Variants in APOL5 observed in about 807,000 individuals in gnomAD.
The protein encoded by APOL5 is apolipoprotein L5.
A neutral mutation model predicts 35.5 loss-of-function variants in APOL5; 29 were observed. That is an observed-to-expected ratio of 0.82 (90% CI 0.61 to 1.11). The LOEUF (loss-of-function observed/expected upper bound fraction) is 1.11. APOL5 is among the 50% of genes most tolerant of loss of function. APOL5 has a pLI of 0.00. For missense variants in APOL5, 514 were observed against 530.4 expected, an observed-to-expected ratio of 0.97 and a Z score of 0.30; for synonymous variants, 188 against 200.2, an observed-to-expected ratio of 0.94 and a Z score of 0.51.
upstream of APOL5, among the ~76,000 whole-genome samples, chr22:35,717,230 A>AT (rs1926775718): frequency 2.3e-5 from 2 of 85,928 alleles, no homozygotes; most frequent in African/African-American, 1.3e-4. Flanking sequence ...TACAAAAAAA[A>AT]AAAAAATATA....
chr22:35,721,467 C>T (rs140538682), intron 2 of APOL5, among the ~76,000 whole-genome samples: 3,747 of 151,878 alleles, frequency 0.025, 151 homozygotes, highest in African/African-American at 0.086. Context: ...TGCTTGAACC[C>T]GGGAGGCGGA....
At chr22:35,717,235 A>AAAAAAAAAAAAAATATAT, upstream of APOL5, among the ~76,000 whole-genome samples, 1 of 57,660 alleles carries the variant, frequency 1.7e-5, no homozygotes, top group African/African-American at 8.0e-5. Flanking sequence ...AAAAAAAAAA[A>AAAAAAAAAAAAAATATAT]ATATATATAT....
At chr22:35,710,882 T>C in the APOL5 span, among the ~76,000 whole-genome samples, 1 of 152,170 alleles carries the variant, frequency 6.6e-6, no homozygotes, top group African/African-American at 2.4e-5. Context: ...AGAACTTCCT[T>C]CTGGCCAGGC....
Position 35,728,769 on chromosome 22 carries a change from G to A in APOL5, c.1173G>A (p.Arg391=), listed in dbSNP as rs200999318. The A allele has an allele frequency of 2.1e-4, 331 of 1,613,652 alleles. 5 individuals carry two copies. The South Asian group carries it at 3.3e-3, about 16-fold the overall frequency. ...GGCCTGTTGTGGAGCACCAGCCTAG[G>A]CTGGGCCCTGGCGTGGCACTGAGGA... ...LPWPVVEHQP[R]LGPGVALRTP... The change falls in exon 4 of 5, where the codon AGG becomes AGA. Residue 391 remains arginine, a synonymous_variant. Transcript: ENST00000249044.
chr22:35,710,615 T>C, the APOL5 span, among the ~76,000 whole-genome samples: 2 of 152,112 alleles, frequency 1.3e-5, no homozygotes, highest in East Asian at 1.9e-4. Context: ...TATATTCACA[T>C]TGTTGTGCAG....
the APOL5 span, among the ~76,000 whole-genome samples, chr22:35,712,560 T>C: frequency 2.0e-5 from 3 of 152,268 alleles, no homozygotes; most frequent in African/African-American, 4.8e-5. Flanking sequence ...ATTAGAGGTG[T>C]TGGGCATCTT....
intron 2 of APOL5, among the ~76,000 whole-genome samples, chr22:35,725,533 G>A (rs530745007): frequency 9.2e-5 from 14 of 152,118 alleles, no homozygotes; most frequent in Admixed American, 5.2e-4. Flanking sequence ...GATTACAGGC[G>A]TGAGCCACCG....
chr22:35,715,791 T>C (rs1435277327), upstream of APOL5, among the ~76,000 whole-genome samples: 6 of 152,200 alleles, frequency 3.9e-5, no homozygotes, highest in Non-Finnish European at 7.3e-5. Context: ...CACACATCTC[T>C]GCCTTCAAGG....
chr22:35,709,740 A>G, the APOL5 span, among the ~76,000 whole-genome samples: 2 of 152,002 alleles, frequency 1.3e-5, no homozygotes, highest in African/African-American at 2.4e-5. Flanking sequence ...AACTTTTTTC[A>G]GCACTTTATT....
chr22:35,720,306 C>A (rs939342320), intron 1 of APOL5, among the ~76,000 whole-genome samples: 15 of 152,260 alleles, frequency 9.9e-5, no homozygotes, highest in Non-Finnish European at 2.9e-5. Context: ...CTTTACCAAT[C>A]TACTTTGCCA....
At chr22:35,721,060 G>T (rs1350369218) in intron 2 of APOL5, among the ~76,000 whole-genome samples, 1 of 151,736 alleles carries the variant, frequency 6.6e-6, no homozygotes, top group Non-Finnish European at 1.5e-5. Flanking sequence ...ATAAGTATTT[G>T]AATGAAGGAA....
chr22:35,712,213 T>C, the APOL5 span, among the ~76,000 whole-genome samples: 5 of 152,016 alleles, frequency 3.3e-5, no homozygotes, highest in Admixed American at 6.6e-5. Context: ...CTCTCTATGT[T>C]GCCCAGCCTG....
At chr22:35,728,523 G>A (rs2146007659) in intron 3 of APOL5, among the ~76,000 whole-genome samples, 200 bp from the exon 4 acceptor site, 1 of 152,246 alleles carries the variant, frequency 6.6e-6, no homozygotes, top group East Asian at 1.9e-4. Flanking sequence ...GCGCCCGGCC[G>A]ACTTTAGACA....
chr22:35,720,609 A>G lies in APOL5; in HGVS notation c.97A>G (p.Ile33Val). The G allele has an allele frequency of 6.2e-7, 1 of 1,614,204 alleles. No individual in the cohort carries two copies. The highest frequency in any genetic ancestry group is 8.5e-7 in the Non-Finnish European group (1 of 1,180,042). ...GCKEMWLRKV[I>V]YGGEVWGKSP... The stretch of plus-strand genomic sequence containing the variant: ...TAAAGAAATGTGGCTTCGAAAGGTA[A>G]TCTACGGAGGTGAGGTCTGGGGGAA... Residue 33 changes from isoleucine to valine, a missense_variant, in exon 2 of 5, where the codon ATC (isoleucine) becomes GTC (valine). Transcript: ENST00000249044.
In APOL5 at chr22:35,728,788, C is replaced by T. The variant is rs1327241791; in HGVS notation, c.1192C>T (p.Leu398=). 1.2e-6 allele frequency: 2 copies of T among 1,613,586 alleles called. No homozygotes were observed. Among genetic ancestry groups the T allele is most frequent in the South Asian group, 2.2e-5 (2 of 90,878 alleles). Residue 398 remains leucine (L), a synonymous_variant, in exon 4 of 5, where the codon CTG becomes TTG. Coordinates refer to ENST00000249044, the MANE Select transcript of APOL5 (RefSeq NM_030642.1). The part of the protein sequence containing the change: ...HQPRLGPGVA[L]RTPKRTVSAP... ...GCCTAGGCTGGGCCCTGGCGTGGCACTGAGGACACCAAAGAGGACAGTCTC... is the reference window on the plus strand; with the variant it reads ...GCCTAGGCTGGGCCCTGGCGTGGCATTGAGGACACCAAAGAGGACAGTCTC...
intron 3 of APOL5, among the ~76,000 whole-genome samples, chr22:35,728,417 G>A (rs1927252547): frequency 6.6e-6 from 1 of 152,104 alleles, no homozygotes; most frequent in Non-Finnish European, 1.5e-5. Context: ...TAGAGACAGG[G>A]TTTCACCGTG....
chr22:35,723,934 G>A (rs1407575253), intron 2 of APOL5, among the ~76,000 whole-genome samples: 1 of 152,166 alleles, frequency 6.6e-6, no homozygotes, highest in Non-Finnish European at 1.5e-5. Flanking sequence ...TCCAGCCCGG[G>A]CAATAGAGTG....
In APOL5 at chr22:35,727,120, C is replaced by A; in HGVS notation, c.1052C>A (p.Pro351Gln). 6.2e-7 allele frequency: 1 copy of A among 1,610,872 alleles called. No individual in the cohort carries two copies. The highest frequency in any genetic ancestry group is 1.1e-5 in the South Asian group (1 of 91,042). ...CTCACCCAGCACCACCGGCACCTGC[C>A]GCAGAAGGCGAGCCAGACCTGTTCC... The part of the protein sequence containing the change: ...DRLTQHHRHL[P>Q]QKASQTCSSS... The change falls in exon 3 of 5, where the codon CCG becomes CAG. Residue 351 changes from proline to glutamine, a missense_variant. Coordinates refer to ENST00000249044, the MANE Select transcript of APOL5 (RefSeq NM_030642.1).
chr22:35,713,640 C>T (rs1258787234), upstream of APOL5, among the ~76,000 whole-genome samples: 1 of 152,210 alleles, frequency 6.6e-6, no homozygotes, highest in Non-Finnish European at 1.5e-5. Flanking sequence ...GGGAAGCTGC[C>T]TCTCTTCCGG....
Sources: allele counts gnomAD v4.1 joint callset (sites outside exome capture counted in the v4.1 genomes callset), GRCh38; gene constraint gnomAD v4.1.1; transcripts MANE v1.5; gene names NCBI Gene and HGNC (gene_info 2026-07-23, HGNC 2026-07-21).